CSMD3: variants seen among roughly 807,000 people sequenced by gnomAD.
CSMD3 encodes CUB and Sushi multiple domains 3, also known as CUB and sushi domain-containing protein 3.
In CSMD3, 177 loss-of-function variants were observed where a neutral mutation model predicts 435.2. That is an observed-to-expected ratio of 0.41 (90% CI 0.36 to 0.46). The LOEUF (loss-of-function observed/expected upper bound fraction) is 0.46. Ranked by LOEUF, CSMD3 falls within the 20% of genes least tolerant of loss-of-function variation. The probability of loss-of-function intolerance (pLI) is 0.34; values close to 1 mark genes in which losing one functional copy is unlikely to be tolerated. For missense variants in CSMD3, 4,265 were observed against 4,504.6 expected, an observed-to-expected ratio of 0.95 and a Z score of 1.52; for synonymous variants, 1,656 against 1,520.5, an observed-to-expected ratio of 1.09 and a Z score of -2.07.
intron 1 of CSMD3, among the ~76,000 whole-genome samples, chr8:113,409,090 TTTTTTTTTTTTG>T (rs1406398238): frequency 2.8e-5 from 4 of 141,554 alleles, no homozygotes; most frequent in African/African-American, 1.0e-4. Context: ...TTTTTTTTTT[TTTTTTTTTTTTG>T]AGATGGAGTC....
intron 9 of CSMD3, among the ~76,000 whole-genome samples, chr8:112,925,060 TG>T (rs1461830162): frequency 6.6e-6 from 1 of 152,056 alleles, no homozygotes; most frequent in African/African-American, 2.4e-5. Flanking sequence ...TAAGTTCTGG[TG>T]GGGGAAATTT....
In CSMD3 at chr8:112,224,903, T is replaced by C; in HGVS notation, c.10992A>G (p.Gly3664=). The C allele has an allele frequency of 6.2e-7, 1 of 1,614,086 alleles. No homozygotes were observed. Among genetic ancestry groups the C allele is most frequent in the African/African-American group, 1.3e-5 (1 of 75,058 alleles). ...CATTGTTATTTTCATGAACTGAACA[T>C]CCTGTATACTGTGTTTTAGGTGCAG... ...QRTAPKTQYT[G]CSVHENNNGQ... Residue 3664 remains glycine (G), a synonymous_variant, in exon 71 of 71, where the codon GGA becomes GGG. Coordinates refer to ENST00000297405, the MANE Select transcript of CSMD3 (RefSeq NM_198123.2).
At chr8:113,172,323 T>C (rs193200504) in intron 4 of CSMD3, among the ~76,000 whole-genome samples, 1 of 152,302 alleles carries the variant, frequency 6.6e-6, no homozygotes, top group East Asian at 1.9e-4. Context: ...TAAGTGATAA[T>C]GCTTATAAAT....
Position 112,800,288 on chromosome 8 carries a change from G to A in CSMD3, c.1860-14C>T, listed in dbSNP as rs59464748. ...CTTCCAGTCAGCCTAAAAAGAGATGGACAAAGAAGGGAGAGATGGGTTATT... is the reference window on the plus strand; with the variant it reads ...CTTCCAGTCAGCCTAAAAAGAGATGAACAAAGAAGGGAGAGATGGGTTATT... On this transcript the variant is annotated splice_polypyrimidine_tract_variant and intron_variant, in intron 12 of 70. Coordinates refer to ENST00000297405, the MANE Select transcript of CSMD3 (RefSeq NM_198123.2). The A allele has an allele frequency of 2.1e-3, 3,183 of 1,506,412 alleles. 55 individuals carry two copies. The African/African-American group carries it at 0.039, about 19-fold the overall frequency. 93.3% of individuals were successfully genotyped at this position (1,506,412 alleles called of 1,614,324 possible).
chr8:112,460,465 GAGTTTT>G (rs1817334480), intron 32 of CSMD3, among the ~76,000 whole-genome samples: 1 of 151,306 alleles, frequency 6.6e-6, no homozygotes, highest in Admixed American at 6.6e-5. Flanking sequence ...ATCTACAGCT[GAGTTTT>G]ATTTAGTCCA....
intron 4 of CSMD3, among the ~76,000 whole-genome samples, chr8:113,144,992 A>G (rs889401040): frequency 7.2e-5 from 11 of 151,740 alleles, no homozygotes; most frequent in Admixed American, 5.9e-4. Context: ...ATGCTGTAAT[A>G]TTTAATAGAG....
chr8:112,306,286 C>A (rs374287267), intron 50 of CSMD3, 94 bp from the exon 51 acceptor site: 3 of 896,184 alleles, frequency 3.3e-6, no homozygotes, highest in East Asian at 2.6e-5. Context: ...GCAAAACTAA[C>A]GGGGATTTTT....
chr8:112,862,424 A>G (rs1398261242), intron 10 of CSMD3, among the ~76,000 whole-genome samples: 1 of 151,966 alleles, frequency 6.6e-6, no homozygotes, highest in Non-Finnish European at 1.5e-5. Context: ...ACAGAAGCTG[A>G]TAGAACTACT....
intron 6 of CSMD3, among the ~76,000 whole-genome samples, chr8:112,977,734 A>G (rs2084906896): frequency 6.6e-6 from 1 of 152,088 alleles, no homozygotes; most frequent in Non-Finnish European, 1.5e-5. Flanking sequence ...ATTATTTTAA[A>G]TATTTTAATG....
intron 17 of CSMD3, among the ~76,000 whole-genome samples, chr8:112,665,743 A>C (rs2075506263): frequency 6.6e-6 from 1 of 152,180 alleles, no homozygotes; most frequent in African/African-American, 2.4e-5. Flanking sequence ...ACAATATTAT[A>C]GCCTTTTACA....
intron 11 of CSMD3, among the ~76,000 whole-genome samples, chr8:112,840,207 G>C (rs551881040): frequency 1.4e-4 from 22 of 151,762 alleles, no homozygotes; most frequent in African/African-American, 5.3e-4. Flanking sequence ...GAAAAGACTG[G>C]GGAAGGGTTT....
intron 27 of CSMD3, among the ~76,000 whole-genome samples, chr8:112,544,550 C>T (rs531062372): frequency 1.3e-5 from 2 of 152,270 alleles, no homozygotes; most frequent in African/African-American, 4.8e-5. Context: ...AAAGTTTTAT[C>T]ACTTATCTAA....
intron 38 of CSMD3, among the ~76,000 whole-genome samples, chr8:112,362,072 T>G (rs1827297429): frequency 6.6e-6 from 1 of 151,924 alleles, no homozygotes. Flanking sequence ...AATGTAGACA[T>G]TTGTGGTAAT....
intron 13 of CSMD3, among the ~76,000 whole-genome samples, chr8:112,793,221 C>T (rs2511540): frequency 0.98 from 143,621 of 147,076 alleles, 70,131 homozygotes; most frequent in Middle Eastern, 1. Flanking sequence ...ATATAATATA[C>T]AAAATGGCAT....
chr8:113,141,668 T>C (rs1480297412), intron 4 of CSMD3, among the ~76,000 whole-genome samples: 2 of 150,944 alleles, frequency 1.3e-5, no homozygotes, highest in Admixed American at 6.6e-5. Flanking sequence ...AAAAAAAGAA[T>C]AGCAGTGAAC....
intron 47 of CSMD3, among the ~76,000 whole-genome samples, chr8:112,316,721 T>G (rs901994970): frequency 1.3e-5 from 2 of 151,882 alleles, no homozygotes; most frequent in Non-Finnish European, 2.9e-5. Context: ...AAGTTTAAAG[T>G]GCTCAAAATC....
Position 112,550,659 on chromosome 8 carries a change from G to T in CSMD3, c.4564+12C>A. Reference sequence around the variant, plus strand: ...CTATTTTGCATTGAAGAAATTTTTTGAAAAAACTTACTTGAAAACTGAATT... The same window carrying T: ...CTATTTTGCATTGAAGAAATTTTTTTAAAAAACTTACTTGAAAACTGAATT... On this transcript the variant is annotated intron_variant, in intron 27 of 70. Coordinates refer to ENST00000297405, the MANE Select transcript of CSMD3 (RefSeq NM_198123.2). The T allele has an allele frequency of 1.3e-6, 2 of 1,528,562 alleles. No homozygotes were observed. Among genetic ancestry groups the T allele is most frequent in the South Asian group, 1.1e-5 (1 of 89,126 alleles). The allele number at this position is 1,528,562 out of a possible 1,614,324, so 94.7% of individuals were successfully genotyped here. A position where few individuals can be genotyped will look rare whatever the true frequency, so the allele number is the denominator to read the frequency against.
chr8:112,444,874 C>A (rs1391200414), intron 32 of CSMD3, among the ~76,000 whole-genome samples: 1 of 151,978 alleles, frequency 6.6e-6, no homozygotes, highest in African/African-American at 2.4e-5. Context: ...TAAATGATAT[C>A]TAAAAATGTA....
chr8:113,222,459 G>A (rs761116325), intron 3 of CSMD3, among the ~76,000 whole-genome samples: 1 of 150,774 alleles, frequency 6.6e-6, no homozygotes, highest in Non-Finnish European at 1.5e-5. Flanking sequence ...ACCAAGTTCT[G>A]CTATAAAACA....
Sources: gnomAD v4.1 joint callset for allele counts (sites outside exome capture counted in the v4.1 genomes callset) on GRCh38, gnomAD v4.1.1 for gene constraint, MANE v1.5 for transcripts, NCBI Gene and HGNC (gene_info 2026-07-23, HGNC 2026-07-21) for gene names.